Variants in KCNIP4 observed in about 807,000 individuals in gnomAD.
KCNIP4 encodes the protein Kv channel-interacting protein 4.
Under a neutral mutation model 34.0 loss-of-function variants are expected in KCNIP4, and 12 were observed. The observed-to-expected ratio is 0.35, with a 90% CI of 0.23 to 0.57. The LOEUF (loss-of-function observed/expected upper bound fraction) is 0.57. Among genes scored for constraint, KCNIP4 ranks in the 20% least tolerant of loss-of-function variants. The pLI is 0.83. For synonymous variants in KCNIP4, 124 were observed against 102.2 expected, an observed-to-expected ratio of 1.21 and a Z score of -1.29; for missense variants, 238 against 311.7, an observed-to-expected ratio of 0.76 and a Z score of 1.78.
chr4:20,938,775 T>C lies in KCNIP4; in HGVS notation c.62-56066A>G, dbSNP rs1577398824. ...CTCCAATTGTATAGAACAATCTTTC[T>C]ATTGCTTATTTTTACTGACACATGG... On this transcript the variant is annotated intron_variant, in intron 1 of 8. Transcript: ENST00000382152. 2.6e-5 allele frequency among the ~76,000 whole-genome samples: 4 copies of C among 152,322 alleles called. 1 individual carries two copies. The highest frequency in any genetic ancestry group is 2.6e-4 in the Admixed American group (4 of 15,300).
intron 1 of KCNIP4, among the ~76,000 whole-genome samples, chr4:21,391,934 T>C (rs1722597381): frequency 6.6e-6 from 1 of 152,222 alleles, no homozygotes; most frequent in Admixed American, 6.5e-5. Context: ...GCTGAAAGTC[T>C]AGCCAGAGTC....
intron 3 of KCNIP4, among the ~76,000 whole-genome samples, chr4:20,812,075 G>C (rs1196997769): frequency 6.6e-6 from 1 of 152,174 alleles, no homozygotes; most frequent in Non-Finnish European, 1.5e-5. Flanking sequence ...GTGAGAAAAT[G>C]TAAGTACAGA....
intron 1 of KCNIP4, among the ~76,000 whole-genome samples, chr4:21,473,881 T>G (rs140877057): frequency 3.1e-4 from 47 of 152,092 alleles, no homozygotes; most frequent in Middle Eastern, 3.4e-3. Flanking sequence ...GCCTGGCTAA[T>G]TTTTGTATTT....
chr4:21,509,929 C>T (rs1399534363), intron 1 of KCNIP4, among the ~76,000 whole-genome samples: 2 of 151,800 alleles, frequency 1.3e-5, no homozygotes, highest in African/African-American at 4.8e-5. Flanking sequence ...ACCAGCCTGG[C>T]CAACATGGTG....
At chr4:21,858,051 C>T (rs556689480) in intron 1 of KCNIP4, among the ~76,000 whole-genome samples, 8 of 152,338 alleles carry the variant, frequency 5.3e-5, no homozygotes, top group Admixed American at 3.3e-4. Context: ...CCCACCCCAC[C>T]GCAGCCAGCA....
At position 20,849,477 on chromosome 4, in the gene KCNIP4, T is replaced by C. The variant is rs143590543; in HGVS notation, c.288+1066A>G. Among the ~76,000 whole-genome samples the C allele has an allele frequency of 6.1e-4, 93 of 152,254 alleles. 2 individuals carry two copies. The East Asian group carries it at 0.018, about 29-fold the overall frequency. ...GAATTCTCTGAGTAAATTGCTGTTG[T>C]GGATTCCAAAGAAGAGGTAGAGATT... On this transcript the variant is annotated intron_variant, in intron 3 of 8. Transcript: ENST00000382152.
chr4:21,230,751 C>T (rs1045870319), intron 1 of KCNIP4, among the ~76,000 whole-genome samples: 7 of 152,068 alleles, frequency 4.6e-5, no homozygotes, highest in Non-Finnish European at 8.8e-5. Flanking sequence ...ATTTTCTTTA[C>T]CCAGTCTATC....
rs541983560 is a variant in KCNIP4 at position 21,063,846 on chromosome 4, A to T, written c.62-181137T>A. Reference sequence around the variant, plus strand: ...AGTAAAGAGAAGAGAGAATAAAAAAATTCTTAATCAAATGACTCAAGTTTA... The same window carrying T: ...AGTAAAGAGAAGAGAGAATAAAAAATTTCTTAATCAAATGACTCAAGTTTA... On this transcript the variant is annotated intron_variant, in intron 1 of 8. Transcript: ENST00000382152. Among the ~76,000 whole-genome samples, 39 of 152,256 alleles carry T rather than the reference A, an allele frequency of 2.6e-4. 1 individual carries two copies. In the South Asian group the frequency reaches 7.9e-3, roughly 31 times the overall value.
At chr4:21,720,533 T>C (rs200655412) in intron 1 of KCNIP4, among the ~76,000 whole-genome samples, 6 of 41,956 alleles carry the variant, frequency 1.4e-4, no homozygotes, top group Admixed American at 7.3e-4. Flanking sequence ...TTTTTTTCTT[T>C]TTTTTTTTTT....
chr4:21,568,217 C>T (rs73800230), intron 1 of KCNIP4, among the ~76,000 whole-genome samples: 14,675 of 152,156 alleles, frequency 0.096, 806 homozygotes, highest in Middle Eastern at 0.19. Context: ...CCTACCACCT[C>T]AGAATGTCAC....
chr4:20,970,642 A>G (rs1022895205), intron 1 of KCNIP4, among the ~76,000 whole-genome samples: 7 of 152,190 alleles, frequency 4.6e-5, no homozygotes, highest in African/African-American at 1.7e-4. Context: ...CAATCAACCT[A>G]TAGTGCCGAA....
chr4:21,460,103 GCCCC>G (rs550026365), intron 1 of KCNIP4, among the ~76,000 whole-genome samples: 2 of 57,100 alleles, frequency 3.5e-5, no homozygotes, highest in Non-Finnish European at 6.5e-5. Context: ...TCTGCCCCCC[GCCCC>G]CCATCTCTTG....
In KCNIP4 at chr4:21,456,555, G is replaced by A. The variant is rs914820493; in HGVS notation, c.61+492016C>T. 2.1e-4 allele frequency among the ~76,000 whole-genome samples: 31 copies of A among 147,868 alleles called. 5 individuals carry two copies. Among genetic ancestry groups the A allele is most frequent in the African/African-American group, 6.8e-4 (26 of 38,018 alleles). ...TAATTATATCCATAAAGTCCAAGAC[G>A]TAGTGAACTTATTTCATAATTTATA... On this transcript the variant is annotated intron_variant, in intron 1 of 8. Coordinates refer to ENST00000382152, the MANE Select transcript of KCNIP4 (RefSeq NM_025221.6).
At chr4:21,357,325 T>C (rs1261848202) in intron 1 of KCNIP4, among the ~76,000 whole-genome samples, 4 of 152,060 alleles carry the variant, frequency 2.6e-5, no homozygotes, top group Admixed American at 2.0e-4. Flanking sequence ...TGGGATCTAA[T>C]TAAACTAAAG....
At chr4:21,783,388 A>T (rs1719694726) in intron 1 of KCNIP4, among the ~76,000 whole-genome samples, 1 of 152,102 alleles carries the variant, frequency 6.6e-6, no homozygotes, top group African/African-American at 2.4e-5. Flanking sequence ...ATAAAGATAA[A>T]CTCAAAAAAA....
intron 1 of KCNIP4, among the ~76,000 whole-genome samples, chr4:21,072,583 C>G (rs1745064603): frequency 6.6e-6 from 1 of 152,012 alleles, no homozygotes; most frequent in South Asian, 2.1e-4. Flanking sequence ...AATTTTCTCC[C>G]ATTCTATAGG....
chr4:21,193,888 CT>C (rs1755865931), intron 1 of KCNIP4, among the ~76,000 whole-genome samples: 1 of 152,114 alleles, frequency 6.6e-6, no homozygotes, highest in Non-Finnish European at 1.5e-5. Flanking sequence ...TATTTTTAAA[CT>C]ACAAGAAGGG....
chr4:21,853,567 T>C (rs959350626), intron 1 of KCNIP4, among the ~76,000 whole-genome samples: 1 of 152,184 alleles, frequency 6.6e-6, no homozygotes, highest in Non-Finnish European at 1.5e-5. Context: ...ACCCAATCAC[T>C]TCCTAAAACC....
At chr4:21,698,392 A>C (rs1170190110) in intron 1 of KCNIP4, among the ~76,000 whole-genome samples, 2 of 152,190 alleles carry the variant, frequency 1.3e-5, no homozygotes, top group African/African-American at 2.4e-5. Flanking sequence ...GAAGTGCCTC[A>C]GTTTCTTCAT....
Sources: allele counts gnomAD v4.1 joint callset (sites outside exome capture counted in the v4.1 genomes callset), GRCh38; gene constraint gnomAD v4.1.1; transcripts MANE v1.5; gene names NCBI Gene and HGNC (gene_info 2026-07-23, HGNC 2026-07-21).